The following OR1L8 variants were observed in gnomAD, a reference collection of about 807,000 sequenced individuals.
The protein encoded by OR1L8 is olfactory receptor family 1 subfamily L member 8.
For synonymous variants in OR1L8, 148 were observed against 147.0 expected, an observed-to-expected ratio of 1.01 and a Z score of -0.05; for missense variants, 330 against 377.4, an observed-to-expected ratio of 0.87 and a Z score of 1.04.
the OR1L8 span, chr9:122,554,302 AG>A: frequency 3.1e-6 from 2 of 650,520 alleles, no homozygotes; most frequent in South Asian, 2.1e-5. Flanking sequence ...AAAAAAAAAA[AG>A]AGTGTTTCAT....
intron 1 of OR1L8, among the ~76,000 whole-genome samples, chr9:122,579,043 A>T (rs1312096720): frequency 5.9e-5 from 9 of 152,162 alleles, no homozygotes. Flanking sequence ...GAAATTAAAA[A>T]AAAATAGAAA....
At chr9:122,557,787 A>C in the OR1L8 span, among the ~76,000 whole-genome samples, 1 of 152,082 alleles carries the variant, frequency 6.6e-6, no homozygotes, top group African/African-American at 2.4e-5. Context: ...GAGAATTGGC[A>C]TACATTCTTC....
chr9:122,549,926 T>C, the OR1L8 span, among the ~76,000 whole-genome samples: 9 of 152,164 alleles, frequency 5.9e-5, no homozygotes, highest in African/African-American at 2.2e-4. Flanking sequence ...AGGAATTGCA[T>C]TGAATCTATA....
chr9:122,554,242 T>G, the OR1L8 span: 1 of 1,097,370 alleles, frequency 9.1e-7, no homozygotes, highest in African/African-American at 1.6e-5. Context: ...ACTACTGTCA[T>G]GTTGATATTA....
At chr9:122,571,208 T>C (rs1416956841) in intron 4 of OR1L8, among the ~76,000 whole-genome samples, 1 of 152,084 alleles carries the variant, frequency 6.6e-6, no homozygotes, top group African/African-American at 2.4e-5. Flanking sequence ...GATGGTGGGA[T>C]TTGAAAGCTT....
Position 122,568,520 on chromosome 9 carries a change from A to T in OR1L8, c.-43T>A, listed in dbSNP as rs372754158. ...TAAACAAGAAGTTTTGTCATTTAAC[A>T]TGCTCTGATTTCATAACACCAATCA... On this transcript the variant is annotated 5_prime_UTR_variant, in exon 5 of 5. An upstream start codon of the reference 5' UTR is lost. Coordinates refer to ENST00000641027, the MANE Select transcript of OR1L8 (RefSeq NM_001004454.2). The T allele has an allele frequency of 2.5e-6, 3 of 1,177,810 alleles. No homozygotes were observed. The highest frequency in any genetic ancestry group is 3.1e-5 in the African/African-American group (2 of 65,226). The allele number at this position is 1,177,810 out of a possible 1,614,324, so 73.0% of individuals were successfully genotyped here.
At chr9:122,558,776 T>C in the OR1L8 span, among the ~76,000 whole-genome samples, 1 of 151,886 alleles carries the variant, frequency 6.6e-6, no homozygotes, top group African/African-American at 2.4e-5. Flanking sequence ...TTGTAGTTGA[T>C]TTTGATATTC....
chr9:122,559,622 T>C, the OR1L8 span, among the ~76,000 whole-genome samples: 7,424 of 152,302 alleles, frequency 0.049, 260 homozygotes, highest in Non-Finnish European at 0.075. Context: ...AGTTTCCATG[T>C]AGTTGTGTGT....
At chr9:122,581,475 A>G (rs539351819) in intron 1 of OR1L8, among the ~76,000 whole-genome samples, 2 of 152,362 alleles carry the variant, frequency 1.3e-5, no homozygotes, top group South Asian at 4.1e-4. Flanking sequence ...AAAATTTTCA[A>G]AAATCTTTGT....
At chr9:122,555,528 T>G in the OR1L8 span, among the ~76,000 whole-genome samples, 1 of 152,176 alleles carries the variant, frequency 6.6e-6, no homozygotes, top group Non-Finnish European at 1.5e-5. Context: ...CTTTGGGAAC[T>G]AATTTCTGAC....
chr9:122,559,286 T>C, the OR1L8 span, among the ~76,000 whole-genome samples: 1 of 152,066 alleles, frequency 6.6e-6, no homozygotes, highest in Non-Finnish European at 1.5e-5. Flanking sequence ...TTGTTTTTTC[T>C]ATATGTAATA....
chr9:122,575,076 T>A (rs1829628444), intron 3 of OR1L8, among the ~76,000 whole-genome samples: 1 of 152,140 alleles, frequency 6.6e-6, no homozygotes, highest in Admixed American at 6.5e-5. Flanking sequence ...TAAATCTTTT[T>A]ATACATTGTT....
intron 4 of OR1L8, among the ~76,000 whole-genome samples, chr9:122,570,651 C>T (rs7860446): frequency 0.17 from 25,315 of 152,076 alleles, 2,860 homozygotes; most frequent in East Asian, 0.55. Context: ...TCAGCGTCAT[C>T]GTCCCTTATC....
At chr9:122,550,681 A>G in the OR1L8 span, among the ~76,000 whole-genome samples, 1 of 152,122 alleles carries the variant, frequency 6.6e-6, no homozygotes, top group Non-Finnish European at 1.5e-5. Flanking sequence ...TAGAAAAAGC[A>G]ACTGATAAAA....
rs147929074 is a variant in OR1L8 at position 122,568,360 on chromosome 9, T to C, written c.118A>G (p.Ile40Val). The change falls in exon 5 of 5, where the codon ATA (isoleucine) becomes GTA (valine). Residue 40 changes from isoleucine (I) to valine (V), a missense_variant. Ile to Val is a conservative substitution (Grantham distance 29). Transcript: ENST00000641027. ...VLFLIVYLVT[I>V]TGNLLIILAI... ...AGGATGATGAGCAGGTTCCCTGTTA[T>C]GGTGACCAGGTACACGATGAGGAAG... 40 of 1,614,066 alleles carry C rather than the reference T, an allele frequency of 2.5e-5. No homozygotes were observed. In the African/African-American group the frequency reaches 4.4e-4, roughly 18 times the overall value.
At chr9:122,557,454 C>T in the OR1L8 span, among the ~76,000 whole-genome samples, 1 of 151,946 alleles carries the variant, frequency 6.6e-6, no homozygotes, top group South Asian at 2.1e-4. Flanking sequence ...TTTTCTGCAT[C>T]TATTTATATT....
At chr9:122,548,700 G>A in the OR1L8 span, among the ~76,000 whole-genome samples, 2 of 150,924 alleles carry the variant, frequency 1.3e-5, no homozygotes, top group South Asian at 2.1e-4. Context: ...CCCATTAACC[G>A]GTCATTTACA....
chr9:122,552,749 A>AGT, the OR1L8 span, among the ~76,000 whole-genome samples: 20,739 of 129,112 alleles, frequency 0.16, 1,711 homozygotes, highest in East Asian at 0.24. Context: ...AGAGGGCTTG[A>AGT]GTGTGTGTGT....
the OR1L8 span, among the ~76,000 whole-genome samples, chr9:122,557,152 T>TA: frequency 6.6e-6 from 1 of 152,140 alleles, no homozygotes; most frequent in Admixed American, 6.6e-5. Context: ...GGATTTTCTG[T>TA]AAAAATCATG....
Sources: allele counts gnomAD v4.1 joint callset (sites outside exome capture counted in the v4.1 genomes callset), GRCh38; gene constraint gnomAD v4.1.1; transcripts MANE v1.5; gene names NCBI Gene and HGNC (gene_info 2026-07-23, HGNC 2026-07-21).